Variants in ADARB2 observed in about 807,000 individuals in gnomAD.
ADARB2 encodes the protein adenosine deaminase RNA specific B2 (inactive), also known as inactive double-stranded RNA-specific editase B2.
A neutral mutation model predicts 62.2 loss-of-function variants in ADARB2; 25 were observed. The observed-to-expected ratio is 0.40, with a 90% confidence interval of 0.29 to 0.56. The LOEUF is 0.56. Ranked by LOEUF, ADARB2 falls within the 20% of genes least tolerant of loss-of-function variation. The pLI is 0.43. For missense variants in ADARB2, 1,071 were observed against 1,077.4 expected (o/e 0.99, Z 0.08); for synonymous variants, 572 against 500.8 (o/e 1.14, Z -1.90).
chr10:1,603,114 T>C (rs1189825221), intron 1 of ADARB2, among the ~76,000 whole-genome samples: 1 of 145,870 alleles, frequency 6.9e-6, no homozygotes, highest in Non-Finnish European at 1.5e-5. Flanking sequence ...CACACACCTA[T>C]ACACACACAC....
chr10:1,675,827 G>A (rs1012735245), intron 1 of ADARB2, among the ~76,000 whole-genome samples: 17 of 152,126 alleles, frequency 1.1e-4, no homozygotes, highest in African/African-American at 3.6e-4. Context: ...TGCAGGGAGT[G>A]AAGGGAAGCC....
intron 1 of ADARB2, among the ~76,000 whole-genome samples, chr10:1,504,995 C>T (rs947886692): frequency 1.3e-5 from 2 of 151,824 alleles, no homozygotes; most frequent in African/African-American, 4.8e-5. Context: ...GCAATGCACA[C>T]ACATGCACAC....
intron 3 of ADARB2, among the ~76,000 whole-genome samples, chr10:1,332,476 G>GTTTTTTTT (rs759566790): frequency 2.3e-5 from 3 of 130,372 alleles, no homozygotes; most frequent in Middle Eastern, 4.2e-3. Flanking sequence ...ACTAGCATCA[G>GTTTTTTTT]TTTTGTTTTT....
At chr10:1,482,775 C>G (rs1564303715) in intron 1 of ADARB2, among the ~76,000 whole-genome samples, 1 of 151,882 alleles carries the variant, frequency 6.6e-6, no homozygotes, top group Non-Finnish European at 1.5e-5. Flanking sequence ...CAACCCTTGT[C>G]AGGACTGCTT....
At chr10:1,466,678 T>C (rs1831259550) in intron 1 of ADARB2, among the ~76,000 whole-genome samples, 1 of 152,128 alleles carries the variant, frequency 6.6e-6, no homozygotes, top group East Asian at 1.9e-4. Context: ...TGGGGACTAA[T>C]TCCCACCCTT....
intron 4 of ADARB2, among the ~76,000 whole-genome samples, chr10:1,270,682 G>T (rs12413276): frequency 3.9e-5 from 6 of 152,118 alleles, no homozygotes; most frequent in Non-Finnish European, 7.4e-5. Flanking sequence ...CAGGAGACGT[G>T]GGTCCTCCGG....
chr10:1,317,183 T>G (rs571304085), intron 3 of ADARB2, among the ~76,000 whole-genome samples: 48 of 152,364 alleles, frequency 3.2e-4, no homozygotes, highest in African/African-American at 1.1e-3. Context: ...TTTAGTTCCC[T>G]CACTTGTGCT....
At chr10:1,431,968 A>T (rs1435918878) in intron 1 of ADARB2, among the ~76,000 whole-genome samples, 1 of 152,192 alleles carries the variant, frequency 6.6e-6, no homozygotes, top group Non-Finnish European at 1.5e-5. Context: ...CAGGAAAGAA[A>T]TATTCAGGTT....
intron 7 of ADARB2, among the ~76,000 whole-genome samples, chr10:1,210,380 G>T (rs1837134561): frequency 6.6e-6 from 1 of 152,200 alleles, no homozygotes; most frequent in African/African-American, 2.4e-5. Context: ...ATTTCTAAAC[G>T]AAGAAGCAAA....
At chr10:1,233,925 G>A (rs1410884045) in intron 5 of ADARB2, 80 bp from the exon 6 acceptor site, 1 of 1,087,930 alleles carries the variant, frequency 9.2e-7, no homozygotes, top group South Asian at 2.1e-5. Context: ...CTTGAGTCCT[G>A]TTTTGTAGAG....
chr10:1,208,972 C>T (rs1837106374), intron 7 of ADARB2, among the ~76,000 whole-genome samples: 1 of 152,164 alleles, frequency 6.6e-6, no homozygotes, highest in African/African-American at 2.4e-5. Context: ...GGGGGTTCTG[C>T]CCAGTAAACA....
At chr10:1,567,318 C>T (rs777364985) in intron 1 of ADARB2, among the ~76,000 whole-genome samples, 7 of 152,220 alleles carry the variant, frequency 4.6e-5, no homozygotes, top group Non-Finnish European at 1.0e-4. Context: ...TCTAGATGCT[C>T]TTTCTCCCAA....
intron 6 of ADARB2, among the ~76,000 whole-genome samples, chr10:1,227,643 G>C (rs1830760060): frequency 6.6e-6 from 1 of 152,208 alleles, no homozygotes; most frequent in Non-Finnish European, 1.5e-5. Flanking sequence ...AGGAATTGGA[G>C]ACAAACAACA....
rs139083936 is a variant in ADARB2, at chr10:1,515,003, G to A, written c.101-135843C>T. On this transcript the variant is annotated intron_variant, in intron 1 of 9. Transcript: ENST00000381312. ...AGACAGTAAAATGGAAAGGCACACT[G>A]TGAACAGGCGTTTACACTGGAAGGC... Among the ~76,000 whole-genome samples, 550 of 152,116 alleles carry A rather than the reference G, an allele frequency of 3.6e-3. 3 individuals carry two copies. Among genetic ancestry groups the A allele is most frequent in the Admixed American group, 5.8e-3 (88 of 15,296 alleles).
chr10:1,310,435 T>TAACA (rs1487017524), intron 3 of ADARB2, among the ~76,000 whole-genome samples: 3 of 150,178 alleles, frequency 2.0e-5, no homozygotes, highest in African/African-American at 7.4e-5. Context: ...TGACTCTGAA[T>TAACA]AACATTCCTT....
At chr10:1,615,353 G>A (rs1450246762) in intron 1 of ADARB2, among the ~76,000 whole-genome samples, 2 of 152,172 alleles carry the variant, frequency 1.3e-5, no homozygotes, top group African/African-American at 4.8e-5. Flanking sequence ...GAGAAGCTGG[G>A]CATCCCCTCC....
chr10:1,696,916 G>C (rs1002439996), intron 1 of ADARB2, among the ~76,000 whole-genome samples: 15 of 152,078 alleles, frequency 9.9e-5, no homozygotes, highest in African/African-American at 3.6e-4. Context: ...TGATGGCTTT[G>C]AATGCCCAAC....
chr10:1,603,136 TAAAC>T (rs1588319514), intron 1 of ADARB2, among the ~76,000 whole-genome samples: 1 of 114,920 alleles, frequency 8.7e-6, no homozygotes, highest in African/African-American at 3.0e-5. Flanking sequence ...TATACACACA[TAAAC>T]ACACACACAC....
Position 1,729,059 on chromosome 10 carries a change from A to G in ADARB2, c.100+7992T>C, listed in dbSNP as rs1002702672. On this transcript the variant is annotated intron_variant, in intron 1 of 9. Transcript: ENST00000381312. The stretch of plus-strand genomic sequence containing the variant: ...AATTTTCAAAATTTCTCCTTGAGCC[A>G]TGTATTTTGGATTGAAAACTCTGTT... Among the ~76,000 whole-genome samples the G allele has an allele frequency of 1.5e-4, 23 of 152,316 alleles. 1 individual carries two copies. In the East Asian group the frequency reaches 2.7e-3, roughly 18 times the overall value.
Sources: allele counts gnomAD v4.1 joint callset (sites outside exome capture counted in the v4.1 genomes callset), GRCh38; gene constraint gnomAD v4.1.1; transcripts MANE v1.5; gene names NCBI Gene and HGNC (gene_info 2026-07-23, HGNC 2026-07-21).